Variants in JMY observed in about 807,000 individuals in gnomAD.
The protein encoded by JMY is junction mediating and regulatory protein, p53 cofactor.
A neutral mutation model predicts 103.3 loss-of-function variants in JMY; 46 were observed. The ratio of observed to expected loss-of-function variants is 0.45; its 90% CI spans 0.35 to 0.57. The LOEUF (loss-of-function observed/expected upper bound fraction) is 0.57, where lower values mean the gene tolerates loss of function less well. JMY is among the 20% of genes least tolerant of loss of function. The pLI is 0.00. For missense variants in JMY, 1,238 were observed against 1,255.2 expected, an observed-to-expected ratio of 0.99 and a Z score of 0.21; for synonymous variants, 526 against 489.3, an observed-to-expected ratio of 1.07 and a Z score of -0.99.
chr5:79,237,666 G>C lies in JMY; in HGVS notation c.1016G>C (p.Arg339Thr). Residue 339 changes from arginine to threonine, a missense_variant, in exon 1 of 11, where the codon AGG becomes ACG. Arg to Thr is a moderately conservative substitution (Grantham distance 71, BLOSUM62 -1). Transcript: ENST00000396137. ...TACGAAGAAGTGCTTCAGCGGGCCA[G>C]GAAGCGCATCCAGGAGGTGAGTGAG... ...KGYEEVLQRA[R>T]KRIQELLDKH... The C allele has an allele frequency of 1.2e-6, 2 of 1,612,870 alleles. No homozygotes were observed. The highest frequency in any genetic ancestry group is 1.7e-6 in the Non-Finnish European group (2 of 1,179,368).
At chr5:79,241,864 G>C (rs544350648) in intron 1 of JMY, among the ~76,000 whole-genome samples, 6 of 152,274 alleles carry the variant, frequency 3.9e-5, no homozygotes, top group Admixed American at 2.0e-4. Context: ...GTGCCACCAA[G>C]ACCTCTTTGA....
intron 1 of JMY, among the ~76,000 whole-genome samples, chr5:79,257,447 A>G (rs904194956): frequency 6.6e-6 from 1 of 152,138 alleles, no homozygotes; most frequent in Non-Finnish European, 1.5e-5. Flanking sequence ...TACAAAAACT[A>G]CAAAAATTTG....
At chr5:79,278,793 C>CTTTT (rs533961398) in intron 2 of JMY, among the ~76,000 whole-genome samples, 1 of 114,176 alleles carries the variant, frequency 8.8e-6, no homozygotes, top group Non-Finnish European at 1.8e-5. Flanking sequence ...GGGAACATTT[C>CTTTT]TTTTTTTTTT....
At chr5:79,284,112 C>A (rs1391197132) in intron 2 of JMY, 2 of 1,416,622 alleles carry the variant, frequency 1.4e-6, no homozygotes, top group Non-Finnish European at 1.9e-6. Flanking sequence ...TTTTATTTGC[C>A]ACTATTTGAA....
intron 1 of JMY, among the ~76,000 whole-genome samples, chr5:79,245,822 C>T (rs1442568080): frequency 6.6e-6 from 1 of 152,088 alleles, no homozygotes; most frequent in Non-Finnish European, 1.5e-5. Flanking sequence ...GACGGGTTTT[C>T]ACTGTGTTGG....
chr5:79,250,912 T>G (rs1745067626), intron 1 of JMY, among the ~76,000 whole-genome samples: 1 of 152,136 alleles, frequency 6.6e-6, no homozygotes. Flanking sequence ...AAATATTGTC[T>G]ATGGTAAAAA....
At chr5:79,315,279 A>T (rs1482380723) in intron 9 of JMY, among the ~76,000 whole-genome samples, 2 of 152,232 alleles carry the variant, frequency 1.3e-5, no homozygotes, top group East Asian at 3.8e-4. Flanking sequence ...GTGTATTTGT[A>T]TAAAGAAGCA....
intron 1 of JMY, among the ~76,000 whole-genome samples, chr5:79,264,628 C>T (rs926674447): frequency 1.3e-5 from 2 of 152,144 alleles, no homozygotes; most frequent in African/African-American, 4.8e-5. Flanking sequence ...TTAAGGCCAA[C>T]TTTGTTGAAT....
intron 1 of JMY, among the ~76,000 whole-genome samples, chr5:79,249,167 G>T (rs993570506): frequency 1.3e-5 from 2 of 151,800 alleles, no homozygotes; most frequent in Admixed American, 6.6e-5. Context: ...GAAAAACGGT[G>T]TGAATTAACT....
chr5:79,246,596 A>G (rs550498211), intron 1 of JMY, among the ~76,000 whole-genome samples: 1 of 152,260 alleles, frequency 6.6e-6, no homozygotes, highest in South Asian at 2.1e-4. Context: ...AAAAATAGGT[A>G]TGTTGGCCGG....
Position 79,237,370 on chromosome 5 carries a change from C to G in JMY, c.720C>G (p.Ala240=). 1.2e-6 allele frequency: 2 copies of G among 1,613,010 alleles called. No individual in the cohort carries two copies. Among genetic ancestry groups the G allele is most frequent in the African/African-American group, 1.3e-5 (1 of 75,024 alleles). ...AGLFSFQDLR[A]VHQQLCSVNS... ...TGTTTTCTTTCCAGGACCTGCGCGCCGTGCACCAGCAGCTGTGCTCGGTGA... is the reference window on the plus strand; with the variant it reads ...TGTTTTCTTTCCAGGACCTGCGCGCGGTGCACCAGCAGCTGTGCTCGGTGA... The change falls in exon 1 of 11, where the codon GCC becomes GCG. Residue 240 remains alanine (A), a synonymous_variant. Coordinates refer to ENST00000396137, the MANE Select transcript of JMY (RefSeq NM_152405.5).
intron 2 of JMY, among the ~76,000 whole-genome samples, chr5:79,283,294 CAG>C (rs1303822350): frequency 2.0e-5 from 3 of 151,968 alleles, no homozygotes; most frequent in African/African-American, 7.2e-5. Flanking sequence ...CAGCCGTCAA[CAG>C]AGAGAATTTA....
Position 79,236,930 on chromosome 5 carries a change from G to A in JMY, c.280G>A (p.Ala94Thr), listed in dbSNP as rs1388334127. ...PAGRGRPEAT[A>T]SATLVRSPGP... Reference sequence around the variant, plus strand: ...GGGCAGGGGTCGGCCCGAGGCCACTGCCTCTGCAACTCTGGTTAGGAGCCC... The same window carrying A: ...GGGCAGGGGTCGGCCCGAGGCCACTACCTCTGCAACTCTGGTTAGGAGCCC... Residue 94 changes from alanine (A) to threonine (T), a missense_variant, in exon 1 of 11, where the codon GCC becomes ACC. Physicochemically the swap from Ala to Thr is moderately conservative, Grantham distance 58. Transcript: ENST00000396137. 7.1e-7 allele frequency: 1 copy of A among 1,406,758 alleles called. No individual in the cohort carries two copies. Among genetic ancestry groups the A allele is most frequent in the East Asian group, 2.8e-5 (1 of 35,826 alleles). The allele number at this position is 1,406,758 out of a possible 1,614,324, so 87.1% of individuals were successfully genotyped here.
At chr5:79,239,682 G>C (rs1391278797) in intron 1 of JMY, among the ~76,000 whole-genome samples, 1 of 151,930 alleles carries the variant, frequency 6.6e-6, no homozygotes, top group East Asian at 2.0e-4. Flanking sequence ...GTGGTGGCGG[G>C]CACCTGTAGT....
At chr5:79,311,462 G>C (rs1474384820) in intron 7 of JMY, among the ~76,000 whole-genome samples, 2 of 152,166 alleles carry the variant, frequency 1.3e-5, no homozygotes, top group Admixed American at 1.3e-4. Flanking sequence ...AATAGAATGG[G>C]GGGTTGGATC....
At chr5:79,299,848 GGAAAGC>G (rs1172323187) in intron 4 of JMY, among the ~76,000 whole-genome samples, 1 of 151,898 alleles carries the variant, frequency 6.6e-6, no homozygotes, top group East Asian at 1.9e-4. Context: ...CTTTTGAGAG[GGAAAGC>G]ATTTATATCC....
intron 4 of JMY, among the ~76,000 whole-genome samples, chr5:79,291,905 AATC>A (rs1290004861): frequency 2.6e-5 from 4 of 152,238 alleles, no homozygotes; most frequent in Admixed American, 1.3e-4. Flanking sequence ...GAGAAGAACA[AATC>A]ATCATCTCTG....
chr5:79,237,235 G>C lies in JMY; in HGVS notation c.585G>C (p.Val195=), dbSNP rs1561284318. 1 of 1,550,704 alleles carries C rather than the reference G, an allele frequency of 6.4e-7. No individual in the cohort carries two copies. The highest frequency in any genetic ancestry group is 2.0e-5 in the Admixed American group (1 of 51,030). The change falls in exon 1 of 11, where the codon GTG becomes GTC. Residue 195 remains valine, a synonymous_variant. Transcript: ENST00000396137. ...ASGTVSEEIE[V]LEMVKEDEAP... ...GGACGGTCTCCGAGGAGATAGAGGT[G>C]CTGGAAATGGTGAAGGAGGACGAGG...
chr5:79,316,822 C>G (rs1747239867), intron 10 of JMY, among the ~76,000 whole-genome samples: 1 of 144,568 alleles, frequency 6.9e-6, no homozygotes, highest in African/African-American at 2.6e-5. Flanking sequence ...AAGAGAATCA[C>G]TTGAACCCAG....
Sources: allele counts gnomAD v4.1 joint callset (sites outside exome capture counted in the v4.1 genomes callset), GRCh38; gene constraint gnomAD v4.1.1; transcripts MANE v1.5; gene names NCBI Gene and HGNC (gene_info 2026-07-23, HGNC 2026-07-21).